The following ADAMTS18 variants were observed in gnomAD, a reference collection of about 807,000 sequenced individuals.
ADAMTS18 encodes the protein ADAM metallopeptidase with thrombospondin type 1 motif 18, also known as A disintegrin and metalloproteinase with thrombospondin motifs 18.
ADAMTS18 carries 157 observed loss-of-function variants against 165.9 expected under a neutral mutation model. The observed-to-expected ratio is 0.95, with a 90% CI of 0.83 to 1.08. The LOEUF (loss-of-function observed/expected upper bound fraction) is 1.08, where lower values mean the gene tolerates loss of function less well. ADAMTS18 is among the 50% of genes least tolerant of loss of function. The pLI is 0.00. For synonymous variants in ADAMTS18, 782 were observed against 578.2 expected (o/e 1.35, Z -5.06); for missense variants, 2,040 against 1,534.0 (o/e 1.33, Z -5.51).
At chr16:77,399,913 T>A (rs1292390066) in intron 3 of ADAMTS18, among the ~76,000 whole-genome samples, 2 of 152,164 alleles carry the variant, frequency 1.3e-5, no homozygotes, top group Admixed American at 6.5e-5. Context: ...GTCTGTACAA[T>A]CTGGAATCCT....
At chr16:77,296,300 A>T (rs933189235) in intron 18 of ADAMTS18, among the ~76,000 whole-genome samples, 1 of 152,138 alleles carries the variant, frequency 6.6e-6, no homozygotes, top group Non-Finnish European at 1.5e-5. Context: ...GAGCCCCTCC[A>T]AGGCTGCCAT....
chr16:77,300,462 A>G, intron 16 of ADAMTS18, 58 bp from the exon 17 acceptor site: 1 of 1,581,666 alleles, frequency 6.3e-7, no homozygotes, highest in Non-Finnish European at 8.7e-7. Flanking sequence ...CTGGAATTCC[A>G]GAAATCTTAC....
chr16:77,429,110 A>T (rs1420501845), intron 3 of ADAMTS18, among the ~76,000 whole-genome samples: 1 of 152,204 alleles, frequency 6.6e-6, no homozygotes, highest in Non-Finnish European at 1.5e-5. Context: ...AACATAAACC[A>T]TTCTACCATA....
intron 16 of ADAMTS18, among the ~76,000 whole-genome samples, chr16:77,310,316 G>A (rs1022141836): frequency 2.6e-5 from 4 of 152,166 alleles, no homozygotes; most frequent in African/African-American, 9.7e-5. Context: ...ATGAGTCATT[G>A]TCTGATAACA....
At chr16:77,400,035 G>A (rs2057305408) in intron 3 of ADAMTS18, among the ~76,000 whole-genome samples, 1 of 152,100 alleles carries the variant, frequency 6.6e-6, no homozygotes, top group Non-Finnish European at 1.5e-5. Context: ...TGGTGGCACT[G>A]GTTAATCAAC....
chr16:77,373,604 G>C (rs1344533350), intron 3 of ADAMTS18, among the ~76,000 whole-genome samples: 1 of 152,000 alleles, frequency 6.6e-6, no homozygotes, highest in Non-Finnish European at 1.5e-5. Flanking sequence ...GTACAAATTG[G>C]GTGCGGTGTA....
intron 3 of ADAMTS18, among the ~76,000 whole-genome samples, chr16:77,396,881 A>G (rs1388238394): frequency 6.6e-6 from 1 of 150,794 alleles, no homozygotes; most frequent in Non-Finnish European, 1.5e-5. Context: ...ATCTTGGCTC[A>G]CTGCAACCTC....
chr16:77,410,450 G>T (rs2057447182), intron 3 of ADAMTS18, among the ~76,000 whole-genome samples: 1 of 152,066 alleles, frequency 6.6e-6, no homozygotes, highest in African/African-American at 2.4e-5. Flanking sequence ...TCTGGAATGG[G>T]GCCTAGGAAT....
chr16:77,342,716 G>C (rs559904831), intron 10 of ADAMTS18, among the ~76,000 whole-genome samples: 1 of 152,172 alleles, frequency 6.6e-6, no homozygotes, highest in Non-Finnish European at 1.5e-5. Context: ...AAAGATGTTC[G>C]CATACTAATC....
chr16:77,398,351 A>G (rs1011660693), intron 3 of ADAMTS18, among the ~76,000 whole-genome samples: 1 of 152,038 alleles, frequency 6.6e-6, no homozygotes, highest in East Asian at 1.9e-4. Flanking sequence ...AACAACAAAA[A>G]TAAATAAAGA....
chr16:77,314,786 A>AT (rs1491101675), intron 16 of ADAMTS18, among the ~76,000 whole-genome samples: 2,252 of 81,348 alleles, frequency 0.028, 395 homozygotes, highest in African/African-American at 0.076. Context: ...ATATATATAT[A>AT]AAATATATGT....
intron 10 of ADAMTS18, among the ~76,000 whole-genome samples, chr16:77,351,501 A>G (rs1317600343): frequency 1.3e-5 from 2 of 152,220 alleles, no homozygotes; most frequent in African/African-American, 2.4e-5. Flanking sequence ...AAGGAATGAT[A>G]GTAATTTTAG....
chr16:77,424,515 T>C (rs981640326), intron 3 of ADAMTS18, among the ~76,000 whole-genome samples: 1 of 151,838 alleles, frequency 6.6e-6, no homozygotes, highest in African/African-American at 2.4e-5. Flanking sequence ...GGACTGGCCT[T>C]TCAGCCTCCC....
intron 3 of ADAMTS18, among the ~76,000 whole-genome samples, chr16:77,383,614 G>C (rs1433784705): frequency 1.3e-5 from 2 of 152,018 alleles, no homozygotes; most frequent in Non-Finnish European, 2.9e-5. Context: ...CGCAATCTCA[G>C]CTCACTGCAA....
intron 13 of ADAMTS18, among the ~76,000 whole-genome samples, chr16:77,322,928 C>T (rs1215154916): frequency 6.6e-6 from 1 of 152,082 alleles, no homozygotes; most frequent in East Asian, 1.9e-4. Context: ...GATATTTACT[C>T]AGTCTGTTAA....
chr16:77,377,170 G>C (rs2056966115), intron 3 of ADAMTS18, among the ~76,000 whole-genome samples: 1 of 152,164 alleles, frequency 6.6e-6, no homozygotes, highest in Non-Finnish European at 1.5e-5. Context: ...CACACTTTAT[G>C]AATTTTCCCT....
In ADAMTS18 at chr16:77,373,610, G is replaced by C. The variant is rs116378762; in HGVS notation, c.496-5887C>G. Among the ~76,000 whole-genome samples, 474 of 152,006 alleles carry C rather than the reference G, an allele frequency of 3.1e-3. 6 individuals carry two copies. Among genetic ancestry groups the C allele is most frequent in the African/African-American group, 0.011 (460 of 41,324 alleles). On this transcript the variant is annotated intron_variant, in intron 3 of 22. Transcript: ENST00000282849. ...GATAAAAGTGTACAAATTGGGTGCG[G>C]TGTATACTGCTCAGGTGGTGATGGG... is the stretch of plus-strand genomic sequence containing the variant.
intron 3 of ADAMTS18, among the ~76,000 whole-genome samples, chr16:77,381,266 T>G (rs2057025890): frequency 6.6e-6 from 1 of 150,792 alleles, no homozygotes; most frequent in Non-Finnish European, 1.5e-5. Context: ...AAAACACACA[T>G]TCTGTTCAGA....
chr16:77,420,782 A>T (rs2144847773), intron 3 of ADAMTS18, among the ~76,000 whole-genome samples: 1 of 152,312 alleles, frequency 6.6e-6, no homozygotes, highest in African/African-American at 2.4e-5. Context: ...ACGTAGACTC[A>T]ATAATTAAGG....
Sources: allele counts gnomAD v4.1 joint callset (sites outside exome capture counted in the v4.1 genomes callset), GRCh38; gene constraint gnomAD v4.1.1; transcripts MANE v1.5; gene names NCBI Gene and HGNC (gene_info 2026-07-23, HGNC 2026-07-21).